Variants in CNTNAP2 observed in about 807,000 individuals in gnomAD.
CNTNAP2 encodes contactin associated protein 2.
Under a neutral mutation model 155.2 loss-of-function variants are expected in CNTNAP2, and 98 were observed. The observed-to-expected ratio is 0.63, with a 90% CI of 0.54 to 0.75. CNTNAP2 has a LOEUF of 0.75. Among genes scored for constraint, CNTNAP2 ranks in the 30% least tolerant of loss-of-function variants. The pLI is 0.00. For synonymous variants in CNTNAP2, 651 were observed against 631.2 expected (o/e 1.03, Z -0.47); for missense variants, 1,727 against 1,688.1 (o/e 1.02, Z -0.40).
intron 4 of CNTNAP2, among the ~76,000 whole-genome samples, chr7:147,104,842 C>A (rs1179341111): frequency 6.3e-4 from 85 of 134,058 alleles, no homozygotes; most frequent in African/African-American, 2.2e-3. Context: ...TCTCTCTCTC[C>A]CACTGTCTTT....
chr7:148,353,225 C>T (rs946101310), intron 21 of CNTNAP2, among the ~76,000 whole-genome samples: 2 of 152,144 alleles, frequency 1.3e-5, no homozygotes, highest in Non-Finnish European at 2.9e-5. Flanking sequence ...GAAGTGTTCC[C>T]CCTCAGAATG....
intron 1 of CNTNAP2, among the ~76,000 whole-genome samples, chr7:146,395,659 T>A (rs1795609124): frequency 6.6e-6 from 1 of 152,040 alleles, no homozygotes; most frequent in African/African-American, 2.4e-5. Context: ...ACCAAGACAG[T>A]TAAAAAGTGC....
At chr7:146,309,646 A>G (rs2129090317) in intron 1 of CNTNAP2, among the ~76,000 whole-genome samples, 1 of 152,112 alleles carries the variant, frequency 6.6e-6, no homozygotes, top group Non-Finnish European at 1.5e-5. Context: ...TACTGAAAAT[A>G]CAAAAATTAA....
At chr7:146,666,089 ATTC>A (rs1375387068) in intron 1 of CNTNAP2, among the ~76,000 whole-genome samples, 1 of 152,050 alleles carries the variant, frequency 6.6e-6, no homozygotes, top group Non-Finnish European at 1.5e-5. Flanking sequence ...ACTAGAACTT[ATTC>A]TTCTCATCTA....
At chr7:148,082,371 G>C (rs1803626416) in intron 15 of CNTNAP2, among the ~76,000 whole-genome samples, 1 of 152,216 alleles carries the variant, frequency 6.6e-6, no homozygotes, top group African/African-American at 2.4e-5. Context: ...GAAAATCCAA[G>C]CTAGTGAGGT....
intron 15 of CNTNAP2, among the ~76,000 whole-genome samples, chr7:148,041,847 A>T (rs183455142): frequency 6.6e-6 from 1 of 152,354 alleles, no homozygotes; most frequent in East Asian, 1.9e-4. Context: ...GTAGAATGAG[A>T]TAGAACCTCC....
In CNTNAP2 at chr7:148,026,297, T is replaced by A. The variant is rs376801653; in HGVS notation, c.2383+48308T>A. Among the ~76,000 whole-genome samples the A allele has an allele frequency of 3.6e-3, 538 of 151,444 alleles. 2 individuals carry two copies. Among genetic ancestry groups the A allele is most frequent in the Non-Finnish European group, 4.6e-3 (314 of 67,774 alleles). Reference sequence around the variant, plus strand: ...GGCCTCGTCTCTACAAAAAAAAAATTTTTTTTAAATTAGTGTGATGGTGCA... The same window carrying A: ...GGCCTCGTCTCTACAAAAAAAAAATATTTTTTAAATTAGTGTGATGGTGCA... On this transcript the variant is annotated intron_variant, in intron 15 of 23. Coordinates refer to ENST00000361727, the MANE Select transcript of CNTNAP2 (RefSeq NM_014141.6).
intron 14 of CNTNAP2, among the ~76,000 whole-genome samples, chr7:147,924,681 C>T (rs576219245): frequency 1.4e-4 from 22 of 151,950 alleles, no homozygotes; most frequent in Non-Finnish European, 2.5e-4. Flanking sequence ...GAAAGTAAGC[C>T]GGGAAGATGG....
intron 1 of CNTNAP2, among the ~76,000 whole-genome samples, chr7:146,494,943 T>C (rs139477523): frequency 8.0e-4 from 122 of 152,324 alleles, no homozygotes; most frequent in Middle Eastern, 3.4e-3. Context: ...CAACTGCATA[T>C]AACACTCACA....
In CNTNAP2 at chr7:147,096,216, G is replaced by A. The variant is rs534050540; in HGVS notation, c.551-11931G>A. 5.9e-5 allele frequency among the ~76,000 whole-genome samples: 9 copies of A among 152,310 alleles called. No homozygotes were observed. In the South Asian group the frequency reaches 1.5e-3, roughly 25 times the overall value. ...ACAGCTTAAAGAACTATGTGGCCAA[G>A]AAGACATAAATGTGGGCCAGTAGCT... is the stretch of plus-strand genomic sequence containing the variant. On this transcript the variant is annotated intron_variant, in intron 4 of 23. Transcript: ENST00000361727.
rs184319333 is a variant in CNTNAP2 at position 146,531,632 on chromosome 7, G to A, written c.98-242639G>A. 4.6e-3 allele frequency among the ~76,000 whole-genome samples: 702 copies of A among 152,146 alleles called. 8 individuals are homozygous for A. Among genetic ancestry groups the A allele is most frequent in the African/African-American group, 0.016 (664 of 41,510 alleles). ...ATGATCAAGGCTGACTGCAACCTCC[G>A]CCTCCCAGGTTCAAGTGATTCTCCT... On this transcript the variant is annotated intron_variant, in intron 1 of 23. Coordinates refer to ENST00000361727, the MANE Select transcript of CNTNAP2 (RefSeq NM_014141.6).
intron 10 of CNTNAP2, among the ~76,000 whole-genome samples, chr7:147,450,150 T>C (rs1013528325): frequency 2.0e-5 from 3 of 152,306 alleles, no homozygotes; most frequent in African/African-American, 7.2e-5. Context: ...ATCACATCAC[T>C]CTATAAAAGC....
chr7:147,433,507 A>G (rs1797499004), intron 10 of CNTNAP2, among the ~76,000 whole-genome samples: 8 of 152,212 alleles, frequency 5.3e-5, no homozygotes, highest in Admixed American at 5.2e-4. Flanking sequence ...GTGAAGACTC[A>G]TATTTGCTTT....
intron 11 of CNTNAP2, among the ~76,000 whole-genome samples, chr7:147,493,539 A>G (rs186269876): frequency 2.6e-5 from 4 of 152,274 alleles, no homozygotes; most frequent in Admixed American, 2.6e-4. Flanking sequence ...CATTCCATAC[A>G]TGGAATAGAT....
At chr7:147,060,589 C>T (rs1799644720) in intron 4 of CNTNAP2, among the ~76,000 whole-genome samples, 1 of 151,868 alleles carries the variant, frequency 6.6e-6, no homozygotes, top group African/African-American at 2.4e-5. Context: ...TGGGGCCGGG[C>T]GCGGTGGCTC....
At chr7:146,130,238 G>T (rs1350625060) in intron 1 of CNTNAP2, among the ~76,000 whole-genome samples, 1 of 152,176 alleles carries the variant, frequency 6.6e-6, no homozygotes, top group Non-Finnish European at 1.5e-5. Context: ...GAGGCAAGAG[G>T]ATTGCTTGAG....
At chr7:146,522,724 A>C (rs2129137652) in intron 1 of CNTNAP2, among the ~76,000 whole-genome samples, 1 of 151,054 alleles carries the variant, frequency 6.6e-6, no homozygotes, top group East Asian at 1.9e-4. Context: ...GTGCTAGCAA[A>C]TAATGTTATG....
Position 146,265,439 on chromosome 7 carries a change from CT to C in CNTNAP2, c.97+148475del, listed in dbSNP as rs899983219. Among the ~76,000 whole-genome samples the C allele has an allele frequency of 9.0e-5, 13 of 144,634 alleles. 1 individual carries two copies. The highest frequency in any genetic ancestry group is 4.3e-4 in the South Asian group (2 of 4,650). The allele number at this position is 144,634 out of a possible 152,430, so 94.9% of individuals were successfully genotyped here. A position where few individuals can be genotyped will look rare whatever the true frequency, so the allele number is the denominator to read the frequency against. On this transcript the variant is annotated intron_variant, in intron 1 of 23. Coordinates refer to ENST00000361727, the MANE Select transcript of CNTNAP2 (RefSeq NM_014141.6). ...ATAGGTCTTCATTTGAGTAGATTTT[CT>C]TTTTTTTTCTTTCTTTCTTTTTTTT... is the stretch of plus-strand genomic sequence containing the variant.
intron 1 of CNTNAP2, among the ~76,000 whole-genome samples, chr7:146,422,214 A>G (rs1796022640): frequency 6.6e-6 from 1 of 151,214 alleles, no homozygotes; most frequent in Admixed American, 6.6e-5. Flanking sequence ...CATTGTACCT[A>G]TGGAGGTTAC....
Sources: gnomAD v4.1 joint callset for allele counts (sites outside exome capture counted in the v4.1 genomes callset) on GRCh38, gnomAD v4.1.1 for gene constraint, MANE v1.5 for transcripts, NCBI Gene and HGNC (gene_info 2026-07-23, HGNC 2026-07-21) for gene names.